The following PMPCB variants were observed in gnomAD, a reference collection of about 807,000 sequenced individuals.
The protein encoded by PMPCB is peptidase, mitochondrial processing subunit beta.
In PMPCB, 46 loss-of-function variants were observed where a neutral mutation model predicts 61.5. The ratio of observed to expected loss-of-function variants is 0.75; its 90% CI spans 0.59 to 0.96. The LOEUF (loss-of-function observed/expected upper bound fraction) is 0.96. Among genes scored for constraint, PMPCB ranks in the 40% least tolerant of loss-of-function variants. PMPCB has a pLI of 0.00. For synonymous variants in PMPCB, 191 were observed against 201.6 expected (o/e 0.95, Z 0.44); for missense variants, 590 against 602.4 (o/e 0.98, Z 0.22).
the PMPCB span, among the ~76,000 whole-genome samples, chr7:103,347,278 G>C: frequency 6.6e-6 from 1 of 152,172 alleles, no homozygotes; most frequent in African/African-American, 2.4e-5. Context: ...CTGTGGTTTT[G>C]ATTTGCATTT....
In PMPCB at chr7:103,312,833, C is replaced by T; in HGVS notation, c.*562C>T. Reference sequence around the variant, plus strand: ...CCTCATAATATTGACCCCATAACTACTGGTTTTGAAATAAGCACTATATTA... The same window carrying T: ...CCTCATAATATTGACCCCATAACTATTGGTTTTGAAATAAGCACTATATTA... On this transcript the variant is annotated 3_prime_UTR_variant, in exon 13 of 13. Transcript: ENST00000249269. 6.6e-7 allele frequency: 1 copy of T among 1,523,316 alleles called. No individual in the cohort carries two copies. Among genetic ancestry groups the T allele is most frequent in the Non-Finnish European group, 8.8e-7 (1 of 1,142,412 alleles). 94.4% of individuals were successfully genotyped at this position (1,523,316 alleles called of 1,614,324 possible).
chr7:103,325,087 C>T (rs111286003), intron 12 of PMPCB, among the ~76,000 whole-genome samples: 15 of 152,216 alleles, frequency 9.9e-5, no homozygotes, highest in African/African-American at 3.6e-4. Context: ...TCCATGTTTT[C>T]TACTCTGTGA....
Position 103,314,098 on chromosome 7 carries a change from ACCTAAGGTG to A in PMPCB, c.*1834_*1842del. ...GAGAATTTGTATAATATTTGATGGT[ACCTAAGGTG>A]CCTAAGAAGCTTTTTTGAAGGTAGC... On this transcript the variant is annotated 3_prime_UTR_variant, in exon 13 of 13. Coordinates refer to ENST00000249269, the MANE Select transcript of PMPCB (RefSeq NM_004279.3). 20 of 985,404 alleles carry A rather than the reference ACCTAAGGTG, an allele frequency of 2.0e-5. No individual in the cohort carries two copies. The highest frequency in any genetic ancestry group is 2.4e-5 in the Non-Finnish European group (20 of 829,916). The allele number at this position is 985,404 out of a possible 1,614,324, so 61.0% of individuals were successfully genotyped here. A position where few individuals can be genotyped will look rare whatever the true frequency, so the allele number is the denominator to read the frequency against.
chr7:103,301,953 C>T (rs1240515958), intron 4 of PMPCB, among the ~76,000 whole-genome samples: 1 of 152,092 alleles, frequency 6.6e-6, no homozygotes, highest in Admixed American at 6.5e-5. Context: ...CCTCCCTGCT[C>T]CCACCACCCC....
At chr7:103,324,061 A>T (rs1818570196) in intron 12 of PMPCB, among the ~76,000 whole-genome samples, 1 of 152,156 alleles carries the variant, frequency 6.6e-6, no homozygotes, top group Admixed American at 6.5e-5. Context: ...TTTTTGTTCT[A>T]TGTGATTTTA....
the PMPCB span, among the ~76,000 whole-genome samples, chr7:103,347,299 A>T: frequency 6.6e-6 from 1 of 152,164 alleles, no homozygotes; most frequent in East Asian, 1.9e-4. Context: ...CCTAACAGTG[A>T]TGTTGTCCAT....
chr7:103,306,959 A>T (rs1197098112), intron 6 of PMPCB, among the ~76,000 whole-genome samples: 1 of 151,718 alleles, frequency 6.6e-6, no homozygotes, highest in Admixed American at 6.6e-5. Flanking sequence ...GGGTTTTACC[A>T]TATTGGCCAG....
rs1317721825 is a variant in PMPCB at position 103,309,051 on chromosome 7, AAC to A, written c.952_953del (p.Thr318AlafsTer17). 3 of 1,606,460 alleles carry A rather than the reference AAC, an allele frequency of 1.9e-6. No individual in the cohort carries two copies. The highest frequency in any genetic ancestry group is 2.3e-5 in the East Asian group (1 of 44,350). ...AGATACAATCTGTCTCATGGTTGCA[AAC>A]ACGCTGATTGGCAACTGGGATCGCT... Reference protein sequence around the residue: ...HPDTICLMVANTLIGNWDRSF... With the variant: ...HPDTICLMVAXTLIGNWDRSF... On this transcript the variant is annotated frameshift_variant, in exon 8 of 13. Transcript: ENST00000249269. LOFTEE classifies it high-confidence loss of function.
At chr7:103,330,252 T>C (rs1449500813), downstream of PMPCB, among the ~76,000 whole-genome samples, 1 of 152,180 alleles carries the variant, frequency 6.6e-6, no homozygotes, top group Non-Finnish European at 1.5e-5. Flanking sequence ...ATGAACACTA[T>C]TATTCTTTTA....
chr7:103,346,374 G>T, the PMPCB span, among the ~76,000 whole-genome samples: 1 of 152,114 alleles, frequency 6.6e-6, no homozygotes, highest in African/African-American at 2.4e-5. Flanking sequence ...CTCATGATCT[G>T]CCTGCTTCAG....
At chr7:103,336,542 C>A in the PMPCB span, 1 of 152,196 alleles carries the variant, frequency 6.6e-6, no homozygotes, top group African/African-American at 2.4e-5. Flanking sequence ...GACGGTGTTT[C>A]TCCACGTTGG....
chr7:103,332,898 A>G (rs1819030344), downstream of PMPCB, among the ~76,000 whole-genome samples: 1 of 152,232 alleles, frequency 6.6e-6, no homozygotes, highest in Non-Finnish European at 1.5e-5. Context: ...TGCTGGGATC[A>G]AAGGCATGAG....
chr7:103,344,575 G>A, the PMPCB span: 149 of 1,613,492 alleles, frequency 9.2e-5, 1 homozygote, highest in Middle Eastern at 3.3e-4. Context: ...TCAGAGCGTG[G>A]GTGATGGCGG....
Position 103,312,705 on chromosome 7 carries a change from G to C in PMPCB, c.*434G>C, listed in dbSNP as rs1233158080. On this transcript the variant is annotated 3_prime_UTR_variant, in exon 13 of 13. Coordinates refer to ENST00000249269, the MANE Select transcript of PMPCB (RefSeq NM_004279.3). ...ATTTAAAAACAGACATTTTAATCTA[G>C]TGTTTGGTGTAAAGAATTCAAGCAA... 35 of 1,595,716 alleles carry C rather than the reference G, an allele frequency of 2.2e-5. No homozygotes were observed. Among genetic ancestry groups the C allele is most frequent in the Non-Finnish European group, 2.8e-5 (33 of 1,175,030 alleles).
intron 4 of PMPCB, 133 bp downstream of exon 4, chr7:103,300,440 G>A (rs1817419129): frequency 1.6e-6 from 1 of 608,448 alleles, no homozygotes; most frequent in South Asian, 3.2e-5. Context: ...AATTCTGGGT[G>A]AGGGTACAGC....
At chr7:103,307,458 T>C (rs1817620537) in intron 6 of PMPCB, 138 bp from the exon 7 acceptor site, 1 of 579,608 alleles carries the variant, frequency 1.7e-6, no homozygotes, top group Non-Finnish European at 3.1e-6. Context: ...AGGTGTGCTA[T>C]GTGAGCTTAC....
the PMPCB span, chr7:103,344,856 A>C: frequency 1.7e-6 from 1 of 588,060 alleles, no homozygotes; most frequent in Non-Finnish European, 3.0e-6. Context: ...CTAGTTCTAT[A>C]CTGACTGAGA....
At chr7:103,304,097 C>A in intron 5 of PMPCB, 57 bp downstream of exon 5, 1 of 1,303,168 alleles carries the variant, frequency 7.7e-7, no homozygotes, top group Non-Finnish European at 1.1e-6. Flanking sequence ...TGAAAATAAA[C>A]ATTTACAAAT....
chr7:103,333,808 G>A (rs1157113543), downstream of PMPCB, among the ~76,000 whole-genome samples: 1 of 152,160 alleles, frequency 6.6e-6, no homozygotes, highest in African/African-American at 2.4e-5. Context: ...GTTTTTCTGT[G>A]TATTGGCAAT....
Sources: allele counts gnomAD v4.1 joint callset (sites outside exome capture counted in the v4.1 genomes callset), GRCh38; gene constraint gnomAD v4.1.1; transcripts MANE v1.5; gene names NCBI Gene and HGNC (gene_info 2026-07-23, HGNC 2026-07-21).